The following SHC3 variants were observed in gnomAD, a reference collection of about 807,000 sequenced individuals.
SHC3 encodes SHC-transforming protein 3.
A neutral mutation model predicts 60.4 loss-of-function variants in SHC3; 15 were observed. That is an observed-to-expected ratio of 0.25 (90% CI 0.17 to 0.38). The LOEUF is 0.38. Among genes scored for constraint, SHC3 ranks in the 10% least tolerant of loss-of-function variants. SHC3 has a pLI of 1.00. For synonymous variants in SHC3, 294 were observed against 325.9 expected (o/e 0.90, Z 1.05); for missense variants, 677 against 786.1 (o/e 0.86, Z 1.66).
chr9:89,131,596 G>T (rs1226825773), intron 1 of SHC3, among the ~76,000 whole-genome samples: 1 of 152,118 alleles, frequency 6.6e-6, no homozygotes, highest in African/African-American at 2.4e-5. Flanking sequence ...ACGCAAGGCT[G>T]GTACAACATA....
intron 2 of SHC3, 151 bp from the exon 3 acceptor site, chr9:89,078,054 T>C (rs1825388422): frequency 1.2e-6 from 1 of 841,152 alleles, no homozygotes; most frequent in Non-Finnish European, 1.9e-6. Context: ...CCGATTCTTC[T>C]TCTAAAACAC....
Position 89,037,230 on chromosome 9 carries a change from A to G in SHC3, c.1656+763T>C, listed in dbSNP as rs1587687737. The G allele has an allele frequency of 1.6e-5, 7 of 427,576 alleles. No homozygotes were observed. In the East Asian group the frequency reaches 2.5e-4, roughly 15 times the overall value. The allele number at this position is 427,576 out of a possible 1,614,324, so 26.5% of individuals were successfully genotyped here. A position where few individuals can be genotyped will look rare whatever the true frequency, so the allele number is the denominator to read the frequency against. ...TTAATTGTGTTCCAGTCCAACTGAGACAAAGGCTTCATCCCTCCCTGTCAA... is the reference window on the plus strand; with the variant it reads ...TTAATTGTGTTCCAGTCCAACTGAGGCAAAGGCTTCATCCCTCCCTGTCAA... On this transcript the variant is annotated intron_variant, in intron 11 of 11. Coordinates refer to ENST00000375835, the MANE Select transcript of SHC3 (RefSeq NM_016848.6).
In SHC3 at chr9:89,007,577, C is replaced by T. The variant is rs1825958132; in HGVS notation, c.*5870G>A. The T allele has an allele frequency of 6.6e-6, 1 of 152,330 alleles. No homozygotes were observed. The highest frequency in any genetic ancestry group is 1.5e-5 in the Non-Finnish European group (1 of 68,124). 9.4% of individuals were successfully genotyped at this position (152,330 alleles called of 1,614,324 possible). On this transcript the variant is annotated 3_prime_UTR_variant, in exon 12 of 12. Transcript: ENST00000375835. ...ACTGTGCCAAGTATATGCAGCTGCA[C>T]CTGGGAATACACGAAAGCATGACAT...
intron 6 of SHC3, among the ~76,000 whole-genome samples, chr9:89,063,274 T>A (rs1825122093): frequency 6.6e-6 from 1 of 152,112 alleles, no homozygotes; most frequent in Non-Finnish European, 1.5e-5. Flanking sequence ...GGACTATAGG[T>A]GTGCACCACC....
At chr9:89,088,633 C>T (rs1382025436) in intron 2 of SHC3, 2 of 152,014 alleles carry the variant, frequency 1.3e-5, no homozygotes, top group Non-Finnish European at 2.9e-5. Flanking sequence ...TCTTTAATAT[C>T]AGGGAAAGAG....
chr9:89,158,491 C>T (rs2118234978), intron 1 of SHC3, among the ~76,000 whole-genome samples: 1 of 152,176 alleles, frequency 6.6e-6, no homozygotes. Context: ...GTTTACTCTG[C>T]TGTGATTTTG....
chr9:89,014,130 G>A (rs958522524), intron 11 of SHC3, among the ~76,000 whole-genome samples: 1 of 152,228 alleles, frequency 6.6e-6, no homozygotes, highest in Non-Finnish European at 1.5e-5. Flanking sequence ...AGGAGCTCCT[G>A]TTGCCCCTGC....
intron 11 of SHC3, among the ~76,000 whole-genome samples, chr9:89,027,998 G>A (rs1374243923): frequency 6.6e-6 from 1 of 152,160 alleles, no homozygotes; most frequent in Non-Finnish European, 1.5e-5. Flanking sequence ...GAAGTCTAGG[G>A]AACATTAATC....
At chr9:89,113,589 C>A (rs571916757) in intron 1 of SHC3, among the ~76,000 whole-genome samples, 30 of 152,286 alleles carry the variant, frequency 2.0e-4, no homozygotes, top group African/African-American at 7.0e-4. Context: ...TTTATCTGAG[C>A]CTGTCTATAC....
At chr9:89,030,921 CT>C (rs918475168) in intron 11 of SHC3, among the ~76,000 whole-genome samples, 3 of 151,720 alleles carry the variant, frequency 2.0e-5, no homozygotes, top group African/African-American at 7.3e-5. Flanking sequence ...AATTTTTTTT[CT>C]TTTTTTCTTG....
At chr9:89,149,846 C>T (rs913467193) in intron 1 of SHC3, among the ~76,000 whole-genome samples, 3 of 152,072 alleles carry the variant, frequency 2.0e-5, no homozygotes, top group Non-Finnish European at 4.4e-5. Context: ...ATAAGTCTTC[C>T]GTTGCACACT....
intron 2 of SHC3, chr9:89,110,353 T>A: frequency 1.0e-6 from 1 of 985,022 alleles, no homozygotes; most frequent in Non-Finnish European, 1.2e-6. Context: ...TGGAAACCAG[T>A]TTTCCTGGTG....
chr9:89,141,547 T>C (rs981950818), intron 1 of SHC3, among the ~76,000 whole-genome samples: 3 of 152,224 alleles, frequency 2.0e-5, no homozygotes, highest in South Asian at 2.1e-4. Flanking sequence ...GCCAGGCTTC[T>C]GGGTTCCCTT....
At chr9:89,159,104 G>A (rs1826667936) in intron 1 of SHC3, among the ~76,000 whole-genome samples, 1 of 152,102 alleles carries the variant, frequency 6.6e-6, no homozygotes, top group Non-Finnish European at 1.5e-5. Flanking sequence ...AATTCTGCTT[G>A]TAGGTCATAA....
At chr9:89,041,524 G>C (rs1270313082) in intron 10 of SHC3, among the ~76,000 whole-genome samples, 1 of 152,090 alleles carries the variant, frequency 6.6e-6, no homozygotes, top group Non-Finnish European at 1.5e-5. Flanking sequence ...AAAAAGGAGA[G>C]AAAAAAATGA....
intron 1 of SHC3, among the ~76,000 whole-genome samples, chr9:89,139,560 CA>C (rs1018839381): frequency 6.6e-6 from 1 of 152,176 alleles, no homozygotes; most frequent in African/African-American, 2.4e-5. Context: ...TGAGTTGTGT[CA>C]ATTCCTTTCC....
At chr9:89,040,504 C>T (rs1257865042) in intron 10 of SHC3, among the ~76,000 whole-genome samples, 1 of 151,996 alleles carries the variant, frequency 6.6e-6, no homozygotes, top group African/African-American at 2.4e-5. Flanking sequence ...CAAACACCAG[C>T]CAATCTAACT....
At chr9:89,177,490 G>A (rs1318976441) in intron 1 of SHC3, among the ~76,000 whole-genome samples, 2 of 152,226 alleles carry the variant, frequency 1.3e-5, no homozygotes, top group Admixed American at 1.3e-4. Flanking sequence ...CATTTGGCCT[G>A]CTCTGCAAGG....
chr9:89,024,401 C>T (rs1049285830), intron 11 of SHC3, among the ~76,000 whole-genome samples: 2 of 152,226 alleles, frequency 1.3e-5, no homozygotes, highest in African/African-American at 2.4e-5. Flanking sequence ...CCTCAGCCTC[C>T]TGAGTAGCTG....
Sources: gnomAD v4.1 joint callset for allele counts (sites outside exome capture counted in the v4.1 genomes callset) on GRCh38, gnomAD v4.1.1 for gene constraint, MANE v1.5 for transcripts, NCBI Gene and HGNC (gene_info 2026-07-23, HGNC 2026-07-21) for gene names.